The following KIF26B variants were observed in gnomAD, a reference collection of about 807,000 sequenced individuals.
KIF26B encodes the protein kinesin-like protein KIF26B.
KIF26B carries 63 observed loss-of-function variants against 151.2 expected under a neutral mutation model. That is an observed-to-expected ratio of 0.42 (90% CI 0.34 to 0.51). KIF26B has a LOEUF of 0.51. Among genes scored for constraint, KIF26B ranks in the 20% least tolerant of loss-of-function variants. The probability of loss-of-function intolerance (pLI) is 0.07; values close to 1 mark genes in which losing one functional copy is unlikely to be tolerated. For synonymous variants in KIF26B, 1,357 were observed against 1,262.1 expected, an observed-to-expected ratio of 1.08 and a Z score of -1.59; for missense variants, 2,813 against 2,913.6, an observed-to-expected ratio of 0.97 and a Z score of 0.79.
chr1:245,399,370 TG>T (rs1673938173), intron 3 of KIF26B, among the ~76,000 whole-genome samples: 1 of 152,120 alleles, frequency 6.6e-6, no homozygotes, highest in Non-Finnish European at 1.5e-5. Flanking sequence ...GTGGAAGGGA[TG>T]GGGGTGAGAA....
intron 10 of KIF26B, among the ~76,000 whole-genome samples, chr1:245,675,584 T>C (rs1245445966): frequency 6.6e-6 from 1 of 152,108 alleles, no homozygotes. Context: ...AGTGCTAAAT[T>C]GTGAGGGTGG....
At position 245,698,925 on chromosome 1, in the gene KIF26B, A is replaced by T. The variant is rs780828911; in HGVS notation, c.6066A>T (p.Glu2022Asp). 29 of 1,613,888 alleles carry T rather than the reference A, an allele frequency of 1.8e-5. No individual in the cohort carries two copies. In the Admixed American group the frequency reaches 2.0e-4, roughly 11 times the overall value. Residue 2022 changes from glutamate (E) to aspartate (D), a missense_variant, in exon 14 of 15, where the codon GAA (glutamate) becomes GAT (aspartate). Coordinates refer to ENST00000407071, the MANE Select transcript of KIF26B (RefSeq NM_018012.4). The surrounding 1 kb of genome is among the most constrained non-coding windows in gnomAD (Gnocchi z 4.0). The part of the protein sequence containing the change: ...MCFNAKLKIL[E>D]HRQQRIAEVR... ...TCAATGCAAAGCTGAAGATTCTGGA[A>T]CACCGCCAGCAGAGGATCGCCGAGG...
At chr1:245,339,880 A>G (rs879511459) in intron 2 of KIF26B, among the ~76,000 whole-genome samples, 9 of 152,144 alleles carry the variant, frequency 5.9e-5, no homozygotes, top group Non-Finnish European at 1.2e-4. Context: ...TTTATTTTAT[A>G]TACATATCAA....
At chr1:245,191,266 G>A (rs1012914981) in intron 2 of KIF26B, among the ~76,000 whole-genome samples, 6 of 151,788 alleles carry the variant, frequency 4.0e-5, no homozygotes, top group Non-Finnish European at 7.4e-5. Flanking sequence ...CCTGAGGTCA[G>A]GAGTTCGAGA....
chr1:245,452,259 G>A (rs1333715625), intron 4 of KIF26B, among the ~76,000 whole-genome samples: 2 of 152,136 alleles, frequency 1.3e-5, no homozygotes, highest in Non-Finnish European at 2.9e-5. Flanking sequence ...GTGTGCATCG[G>A]AATTTTATTC....
At chr1:245,680,070 G>A (rs2044412865) in intron 10 of KIF26B, among the ~76,000 whole-genome samples, 1 of 152,098 alleles carries the variant, frequency 6.6e-6, no homozygotes, top group African/African-American at 2.4e-5. Context: ...GATGCAAAGA[G>A]TGGGCTAAGT....
chr1:245,171,495 G>A (rs941630975), intron 2 of KIF26B, among the ~76,000 whole-genome samples: 3 of 152,094 alleles, frequency 2.0e-5, no homozygotes, highest in Non-Finnish European at 4.4e-5. Flanking sequence ...AGTGAGCTGA[G>A]ATCGCGCCAT....
intron 2 of KIF26B, among the ~76,000 whole-genome samples, chr1:245,197,521 C>G (rs1379195428): frequency 6.6e-6 from 1 of 152,100 alleles, no homozygotes; most frequent in East Asian, 1.9e-4. Flanking sequence ...TGCTCACACA[C>G]TTCAGAAGTC....
chr1:245,687,072 C>G lies in KIF26B; in HGVS notation c.4089C>G (p.Ser1363=). The G allele has an allele frequency of 6.2e-7, 1 of 1,613,464 alleles. No individual in the cohort carries two copies. The highest frequency in any genetic ancestry group is 8.5e-7 in the Non-Finnish European group (1 of 1,179,838). ...KAAPIKGCKI[S]TVSKAMVTIS... ...CCCCCATCAAAGGCTGCAAAATATC[C>G]ACAGTGAGCAAGGCCATGGTCACCA... Residue 1363 remains serine (S), a synonymous_variant, in exon 12 of 15, where the codon TCC becomes TCG. Coordinates refer to ENST00000407071, the MANE Select transcript of KIF26B (RefSeq NM_018012.4). This position sits in a 1 kb window ranked among gnomAD's most constrained non-coding sequence, Gnocchi z 4.9.
At chr1:245,406,193 A>G (rs1478531382) in intron 3 of KIF26B, among the ~76,000 whole-genome samples, 1 of 152,130 alleles carries the variant, frequency 6.6e-6, no homozygotes, top group Non-Finnish European at 1.5e-5. Context: ...CTCTGGGGAA[A>G]TTGAGGCAAA....
At chr1:245,612,099 T>TGAGA (rs1256677244) in intron 9 of KIF26B, 123 bp downstream of exon 9, 23 of 589,578 alleles carry the variant, frequency 3.9e-5, no homozygotes, top group Admixed American at 2.4e-4. Context: ...TGTGTGTGTG[T>TGAGA]GTGTGTGAGA....
intron 3 of KIF26B, among the ~76,000 whole-genome samples, chr1:245,382,533 T>TTGTG (rs71563746): frequency 0.021 from 3,110 of 150,070 alleles, 86 homozygotes; most frequent in African/African-American, 0.063. Context: ...AAGCACAGGT[T>TTGTG]TGTGTGTGTG....
chr1:245,313,389 C>T (rs1339616845), intron 2 of KIF26B, among the ~76,000 whole-genome samples: 3 of 152,170 alleles, frequency 2.0e-5, no homozygotes, highest in East Asian at 1.9e-4. Context: ...AGAGCTTTGT[C>T]GAAAGGGTGT....
At chr1:245,201,380 C>T (rs565845371) in intron 2 of KIF26B, among the ~76,000 whole-genome samples, 1 of 152,296 alleles carries the variant, frequency 6.6e-6, no homozygotes, top group Non-Finnish European at 1.5e-5. Context: ...AGAGAGGACA[C>T]AGAGATCATT....
At chr1:245,586,658 T>C (rs907780095) in intron 5 of KIF26B, among the ~76,000 whole-genome samples, 17 of 145,914 alleles carry the variant, frequency 1.2e-4, no homozygotes, top group Non-Finnish European at 2.3e-4. Flanking sequence ...CCGAGGCGGG[T>C]GGATCATGAG....
intron 3 of KIF26B, among the ~76,000 whole-genome samples, chr1:245,381,802 CTCAT>C (rs1328992844): frequency 3.0e-4 from 46 of 151,874 alleles, no homozygotes; most frequent in African/African-American, 1.1e-3. Context: ...CTCTATGTAC[CTCAT>C]ATAAGTGGGA....
intron 4 of KIF26B, among the ~76,000 whole-genome samples, chr1:245,442,685 C>T (rs1346627649): frequency 6.6e-6 from 1 of 151,512 alleles, no homozygotes; most frequent in African/African-American, 2.4e-5. Flanking sequence ...AGTCATCTCC[C>T]TCACTGTTCA....
At chr1:245,553,774 G>C (rs1292604018) in intron 5 of KIF26B, among the ~76,000 whole-genome samples, 2 of 152,150 alleles carry the variant, frequency 1.3e-5, no homozygotes, top group Non-Finnish European at 2.9e-5. Flanking sequence ...GGGCTGGTTA[G>C]TCCCATCCCA....
Position 245,574,172 on chromosome 1 carries a change from TC to T in KIF26B, c.1351-28404del, listed in dbSNP as rs556002214. 5.7e-3 allele frequency among the ~76,000 whole-genome samples: 873 copies of T among 152,150 alleles called. 9 individuals carry two copies. Among genetic ancestry groups the T allele is most frequent in the Non-Finnish European group, 6.4e-3 (435 of 67,994 alleles). On this transcript the variant is annotated intron_variant, in intron 5 of 14. Transcript: ENST00000407071. ...CATTTAATTTGTTTTTGAGATGGAG[TC>T]TCGCTCTGTTGTCCAGGCTGGAGTG... is the stretch of plus-strand genomic sequence containing the variant.
Sources: allele counts gnomAD v4.1 joint callset (sites outside exome capture counted in the v4.1 genomes callset), GRCh38; gene constraint gnomAD v4.1.1; non-coding constraint Gnocchi (gnomAD v3.1); transcripts MANE v1.5; gene names NCBI Gene and HGNC (gene_info 2026-07-23, HGNC 2026-07-21).